PTPRD: variants seen among roughly 807,000 people sequenced by gnomAD.
PTPRD encodes protein tyrosine phosphatase receptor type D, also known as receptor-type tyrosine-protein phosphatase delta.
PTPRD carries 34 observed loss-of-function variants against 214.5 expected under a neutral mutation model. That is an observed-to-expected ratio of 0.16 (90% CI 0.12 to 0.21). The LOEUF (loss-of-function observed/expected upper bound fraction) is 0.21, where lower values mean the gene tolerates loss of function less well. PTPRD is among the 10% of genes least tolerant of loss of function. PTPRD has a pLI of 1.00. For missense variants in PTPRD, 2,545 were observed against 2,398.7 expected, an observed-to-expected ratio of 1.06 and a Z score of -1.27; for synonymous variants, 1,128 against 845.7, an observed-to-expected ratio of 1.33 and a Z score of -5.79.
chr9:9,583,138 A>G (rs2154316392), intron 7 of PTPRD, among the ~76,000 whole-genome samples: 1 of 152,168 alleles, frequency 6.6e-6, no homozygotes, highest in Non-Finnish European at 1.5e-5. Context: ...CACAAAATCC[A>G]AAATGTCAAA....
At chr9:8,632,616 A>G (rs1359613214) in intron 14 of PTPRD, among the ~76,000 whole-genome samples, 2 of 151,938 alleles carry the variant, frequency 1.3e-5, no homozygotes, top group East Asian at 1.9e-4. Flanking sequence ...GACATACAAC[A>G]CAGTCTTCAT....
intron 10 of PTPRD, among the ~76,000 whole-genome samples, chr9:9,078,272 A>G (rs1022040226): frequency 1.3e-5 from 2 of 152,124 alleles, no homozygotes; most frequent in African/African-American, 4.8e-5. Context: ...TGCTGGATAT[A>G]TTTTTTCCAC....
rs142718064 is a variant in PTPRD, at chr9:9,781,795, A to ATTTTTTT, written c.-367-14945_-367-14944insAAAAAAA. 1.4e-5 allele frequency among the ~76,000 whole-genome samples: 2 copies of ATTTTTTT among 147,282 alleles called. 1 individual carries two copies. The highest frequency in any genetic ancestry group is 5.1e-5 in the African/African-American group (2 of 39,466). On this transcript the variant is annotated intron_variant, in intron 5 of 45. Transcript: ENST00000381196. ...TGACTAACATTTTTTGTCTGGACTC[A>ATTTTTTT]TATTTTTTTTTTTTTTAGACGGAGT...
In PTPRD at chr9:10,127,563, C is replaced by A. The variant is rs2098829073; in HGVS notation, c.-544-93773G>T. Among the ~76,000 whole-genome samples the A allele has an allele frequency of 2.0e-5, 3 of 152,042 alleles. No homozygotes were observed. The South Asian group carries it at 6.2e-4, about 32-fold the overall frequency. ...TTAATGAACTTGGACAAGTAGGACA[C>A]AACTTGGAATGGAATGGAAATTTAA... On this transcript the variant is annotated intron_variant, in intron 3 of 45. Coordinates refer to ENST00000381196, the MANE Select transcript of PTPRD (RefSeq NM_002839.4).
At chr9:9,249,238 G>A (rs970723641) in intron 9 of PTPRD, among the ~76,000 whole-genome samples, 2 of 151,912 alleles carry the variant, frequency 1.3e-5, no homozygotes, top group Non-Finnish European at 2.9e-5. Context: ...TTCTCCTCGT[G>A]ACATGCCTGC....
chr9:9,161,039 G>T (rs557362143), intron 10 of PTPRD, among the ~76,000 whole-genome samples: 4 of 152,260 alleles, frequency 2.6e-5, no homozygotes, highest in Admixed American at 2.6e-4. Context: ...GGGATATGGG[G>T]CAGGGGGTGG....
intron 11 of PTPRD, among the ~76,000 whole-genome samples, chr9:8,953,264 A>C (rs2099113217): frequency 6.6e-6 from 1 of 151,886 alleles, no homozygotes; most frequent in Non-Finnish European, 1.5e-5. Context: ...AAATGCCCAG[A>C]TAGATAACTG....
intron 22 of PTPRD, among the ~76,000 whole-genome samples, chr9:8,505,605 G>A (rs1286003365): frequency 4.7e-5 from 6 of 128,624 alleles, no homozygotes; most frequent in Admixed American, 3.7e-4. Context: ...CTAGGCGACA[G>A]AGTGAGGAGA....
chr9:8,911,490 T>C (rs192931986), intron 11 of PTPRD, among the ~76,000 whole-genome samples: 132 of 151,526 alleles, frequency 8.7e-4, no homozygotes, highest in African/African-American at 3.1e-3. Context: ...CTTTTGATAC[T>C]TACCTCAAAC....
chr9:8,642,769 A>T (rs948054266), intron 12 of PTPRD, among the ~76,000 whole-genome samples: 2 of 152,200 alleles, frequency 1.3e-5, no homozygotes, highest in Non-Finnish European at 2.9e-5. Context: ...ACTTTCGCAA[A>T]CATGGGGCAT....
At chr9:8,770,621 G>C (rs953833687) in intron 11 of PTPRD, among the ~76,000 whole-genome samples, 2 of 152,062 alleles carry the variant, frequency 1.3e-5, no homozygotes, top group Non-Finnish European at 2.9e-5. Flanking sequence ...ACTCAAAGAA[G>C]ATCCAAAAAC....
chr9:8,546,444 G>C (rs1463122795), intron 14 of PTPRD, among the ~76,000 whole-genome samples: 1 of 152,086 alleles, frequency 6.6e-6, no homozygotes, highest in Non-Finnish European at 1.5e-5. Context: ...AGAACTATGG[G>C]AGAGAACTTT....
At chr9:9,269,279 A>T (rs1461928023) in intron 9 of PTPRD, among the ~76,000 whole-genome samples, 2 of 151,338 alleles carry the variant, frequency 1.3e-5, no homozygotes, top group East Asian at 3.9e-4. Flanking sequence ...CAATCATCGG[A>T]AACACGCAAA....
intron 2 of PTPRD, among the ~76,000 whole-genome samples, chr9:10,414,558 T>C (rs1291867527): frequency 1.3e-5 from 2 of 151,980 alleles, no homozygotes; most frequent in Non-Finnish European, 2.9e-5. Context: ...AAAACAGAAC[T>C]GTGATTTGAC....
intron 12 of PTPRD, among the ~76,000 whole-genome samples, chr9:8,652,447 C>G (rs146387257): frequency 6.6e-6 from 1 of 152,308 alleles, no homozygotes; most frequent in Non-Finnish European, 1.5e-5. Flanking sequence ...CTGATGGGCC[C>G]AGCCCCCTGC....
intron 11 of PTPRD, among the ~76,000 whole-genome samples, chr9:9,003,697 C>T (rs1446537613): frequency 6.6e-6 from 1 of 152,018 alleles, no homozygotes; most frequent in Non-Finnish European, 1.5e-5. Flanking sequence ...ATGTTGGTTG[C>T]TTACTTGCTG....
chr9:9,829,066 C>G (rs546915622), intron 5 of PTPRD, among the ~76,000 whole-genome samples: 2 of 151,668 alleles, frequency 1.3e-5, no homozygotes, highest in East Asian at 3.9e-4. Context: ...TGAGGTATAG[C>G]GGGGAATAAA....
rs1258040912 is a variant in PTPRD at position 9,934,241 on chromosome 9, A to T, written c.-368+4266T>A. ...AATAAGTAAGATCAGAGCAGAACTG[A>T]AGGAAATAGAGACACAAAAAACCCT... On this transcript the variant is annotated intron_variant, in intron 5 of 45. Coordinates refer to ENST00000381196, the MANE Select transcript of PTPRD (RefSeq NM_002839.4). Among the ~76,000 whole-genome samples, 17 of 149,692 alleles carry T rather than the reference A, an allele frequency of 1.1e-4. 2 individuals are homozygous for T. The highest frequency in any genetic ancestry group is 3.6e-4 in the African/African-American group (14 of 39,380).
chr9:9,555,668 C>T (rs2081341092), intron 8 of PTPRD, among the ~76,000 whole-genome samples: 1 of 151,992 alleles, frequency 6.6e-6, no homozygotes, highest in Admixed American at 6.6e-5. Flanking sequence ...GAAGAAACCA[C>T]GTTTGGCATT....
Sources: allele counts gnomAD v4.1 joint callset (sites outside exome capture counted in the v4.1 genomes callset), GRCh38; gene constraint gnomAD v4.1.1; transcripts MANE v1.5; gene names NCBI Gene and HGNC (gene_info 2026-07-23, HGNC 2026-07-21).